Variants in TANC2 observed in about 807,000 individuals in gnomAD.
TANC2 encodes protein TANC2.
In TANC2, 26 loss-of-function variants were observed where a neutral mutation model predicts 210.5. That is an observed-to-expected ratio of 0.12 (90% confidence interval 0.09 to 0.17). The LOEUF is 0.17. Among genes scored for constraint, TANC2 ranks in the 10% least tolerant of loss-of-function variants. The pLI, the probability that TANC2 is intolerant of heterozygous loss-of-function variation, is 1.00. For missense variants in TANC2, 2,129 were observed against 2,608.9 expected, an observed-to-expected ratio of 0.82 and a Z score of 4.01; for synonymous variants, 931 against 967.1, an observed-to-expected ratio of 0.96 and a Z score of 0.69.
intron 2 of TANC2, among the ~76,000 whole-genome samples, chr17:63,053,256 C>T (rs947252249): frequency 3.3e-5 from 5 of 152,204 alleles, no homozygotes; most frequent in African/African-American, 7.2e-5. Flanking sequence ...AAACCTTTTC[C>T]GGAAGTTCTT....
chr17:63,175,533 CAAAAAAAAAAAAAA>C (rs57220783), intron 5 of TANC2, among the ~76,000 whole-genome samples: 1 of 103,402 alleles, frequency 9.7e-6, no homozygotes, highest in South Asian at 3.2e-4. Flanking sequence ...TCTCCCCCGC[CAAAAAAAAAAAAAA>C]AAAAAAAAGA....
At chr17:63,105,618 A>G (rs998830837) in intron 4 of TANC2, among the ~76,000 whole-genome samples, 1 of 151,770 alleles carries the variant, frequency 6.6e-6, no homozygotes, top group Non-Finnish European at 1.5e-5. Flanking sequence ...TCTTAAACAT[A>G]TAGTCTAACA....
chr17:63,181,097 T>C (rs1041725950), intron 5 of TANC2, among the ~76,000 whole-genome samples: 3 of 150,242 alleles, frequency 2.0e-5, no homozygotes, highest in Non-Finnish European at 4.4e-5. Context: ...GAGGGACGTG[T>C]GTGTTCCTAC....
exon 28 of TANC2, chr17:63,422,242 G>C (rs2147438162): frequency 3.2e-6 from 1 of 314,372 alleles, no homozygotes; most frequent in Non-Finnish European, 5.9e-6. Context: ...AGGGAGATCA[G>C]ACACACTGGT....
rs145753015 is a variant in TANC2 at position 63,090,669 on chromosome 17, C to T, written c.140-8506C>T. Among the ~76,000 whole-genome samples the T allele has an allele frequency of 3.1e-3, 473 of 152,238 alleles. 1 individual carries two copies. The highest frequency in any genetic ancestry group is 6.8e-3 in the Middle Eastern group (2 of 294). On this transcript the variant is annotated intron_variant, in intron 3 of 27. Transcript: ENST00000689528. ...TGTGAATAGTGCTGCAATAAACATA[C>T]GTGCGCATGTGTCTTTATAGCAGCA... is the stretch of plus-strand genomic sequence containing the variant.
chr17:63,097,628 G>A (rs1393472403), intron 3 of TANC2, among the ~76,000 whole-genome samples: 1 of 151,878 alleles, frequency 6.6e-6, no homozygotes, highest in East Asian at 1.9e-4. Context: ...ATTTGATTTG[G>A]GCCACATTCA....
chr17:63,347,066 G>A (rs556752382), intron 12 of TANC2, among the ~76,000 whole-genome samples: 2 of 152,222 alleles, frequency 1.3e-5, no homozygotes, highest in African/African-American at 4.8e-5. Flanking sequence ...CTATTGCTAC[G>A]TATTTACCCA....
rs1188366537 is a variant in TANC2 at position 62,966,879 on chromosome 17, C to T, written c.-24+130C>T. On this transcript the variant is annotated intron_variant, in intron 1 of 27. Transcript: ENST00000689528. The surrounding 1 kb of genome is among the most constrained non-coding windows in gnomAD (Gnocchi z 5.1). ...CGGCGAAATGGGCAGCGAAGTGCCT[C>T]GGTGTCCAAGGCGTGGGGAAGGCTG... 2.6e-5 allele frequency: 4 copies of T among 152,254 alleles called. No homozygotes were observed. The highest frequency in any genetic ancestry group is 7.2e-5 in the African/African-American group (3 of 41,428). 9.4% of individuals were successfully genotyped at this position (152,254 alleles called of 1,614,324 possible). A position where few individuals can be genotyped will look rare whatever the true frequency, so the allele number is the denominator to read the frequency against.
chr17:63,013,995 T>A (rs186278181), intron 2 of TANC2, among the ~76,000 whole-genome samples: 3 of 152,192 alleles, frequency 2.0e-5, no homozygotes, highest in African/African-American at 7.2e-5. Flanking sequence ...TTAATCCTTT[T>A]GTCTCTATAT....
At chr17:63,092,842 TA>T (rs1329581582) in intron 3 of TANC2, among the ~76,000 whole-genome samples, 7 of 152,076 alleles carry the variant, frequency 4.6e-5, no homozygotes, top group Non-Finnish European at 7.4e-5. Context: ...CAACATGAGA[TA>T]GGGGCGGGGC....
intron 1 of TANC2, among the ~76,000 whole-genome samples, chr17:62,996,960 C>G (rs751216173): frequency 6.8e-5 from 10 of 147,622 alleles, no homozygotes; most frequent in African/African-American, 2.5e-4. Flanking sequence ...ATTACAAGTG[C>G]GCACCACCAC....
Position 63,164,129 on chromosome 17 carries a change from C to CTT in TANC2, c.433+12767_433+12768dup, listed in dbSNP as rs529912657. Among the ~76,000 whole-genome samples the CTT allele has an allele frequency of 6.1e-3, 770 of 126,784 alleles. 8 individuals are homozygous for CTT. Among genetic ancestry groups the CTT allele is most frequent in the Non-Finnish European group, 8.6e-3 (518 of 60,332 alleles). 83.2% of individuals were successfully genotyped at this position (126,784 alleles called of 152,430 possible). On this transcript the variant is annotated intron_variant, in intron 5 of 27. Coordinates refer to ENST00000689528, the Ensembl canonical transcript of TANC2. The stretch of plus-strand genomic sequence containing the variant: ...CAAATCTTAGCTGCAGCATCAGCAG[C>CTT]TTTTTTTTTTTTTTTTTTTGTAAGA...
At chr17:63,004,744 C>T (rs950852873) in intron 1 of TANC2, 8 of 330,040 alleles carry the variant, frequency 2.4e-5, no homozygotes, top group African/African-American at 1.5e-4. Flanking sequence ...GCTTTCAGTG[C>T]CTGCTCTGTT....
At chr17:63,173,945 A>G (rs1004175247) in intron 5 of TANC2, among the ~76,000 whole-genome samples, 2 of 152,208 alleles carry the variant, frequency 1.3e-5, no homozygotes, top group Non-Finnish European at 2.9e-5. Flanking sequence ...ACCTGGAACA[A>G]TAGCTACTAT....
chr17:63,330,662 A>G (rs1170969627), intron 11 of TANC2, among the ~76,000 whole-genome samples: 1 of 152,206 alleles, frequency 6.6e-6, no homozygotes, highest in Admixed American at 6.5e-5. Flanking sequence ...AGACTGTTAA[A>G]CATGGGTATA....
At chr17:63,155,852 A>AT (rs2039817661) in intron 5 of TANC2, among the ~76,000 whole-genome samples, 1 of 152,016 alleles carries the variant, frequency 6.6e-6, no homozygotes, top group South Asian at 2.1e-4. Context: ...TTTCATTTGG[A>AT]TTTTTTATCT....
intron 15 of TANC2, among the ~76,000 whole-genome samples, chr17:63,383,510 G>T (rs2047679221): frequency 6.6e-6 from 1 of 152,066 alleles, no homozygotes; most frequent in Admixed American, 6.6e-5. Context: ...ATGCATTTAA[G>T]ATTTCTACAT....
intron 9 of TANC2, among the ~76,000 whole-genome samples, chr17:63,280,113 A>G (rs1470669722): frequency 6.6e-6 from 1 of 152,070 alleles, no homozygotes; most frequent in African/African-American, 2.4e-5. Flanking sequence ...GATTTCATCC[A>G]AGTCCTTTGT....
At chr17:63,424,976 C>T (rs761676457) in exon 28 of TANC2, 1 of 152,160 alleles carries the variant, frequency 6.6e-6, no homozygotes, top group Non-Finnish European at 1.5e-5. Flanking sequence ...TCCTGAGACA[C>T]GGTTACTTTA....
Sources: gnomAD v4.1 joint callset for allele counts (sites outside exome capture counted in the v4.1 genomes callset) on GRCh38, gnomAD v4.1.1 for gene constraint, Gnocchi (gnomAD v3.1) non-coding constraint, MANE v1.5 for transcripts, NCBI Gene and HGNC (gene_info 2026-07-23, HGNC 2026-07-21) for gene names.